Variants in SLC7A2 observed in about 807,000 individuals in gnomAD.
The protein encoded by SLC7A2 is solute carrier family 7 member 2.
SLC7A2 carries 48 observed loss-of-function variants against 58.9 expected under a neutral mutation model. That is an observed-to-expected ratio of 0.82 (90% CI 0.65 to 1.04). The LOEUF is 1.04. Among genes scored for constraint, SLC7A2 ranks in the 50% least tolerant of loss-of-function variants. SLC7A2 has a pLI of 0.00. For missense variants in SLC7A2, 1,029 were observed against 818.8 expected (o/e 1.26, Z -3.13); for synonymous variants, 363 against 314.5 (o/e 1.15, Z -1.63).
chr8:17,531,142 T>TCC (rs1801434743), intron 2 of SLC7A2, among the ~76,000 whole-genome samples: 1 of 152,072 alleles, frequency 6.6e-6, no homozygotes, highest in Non-Finnish European at 1.5e-5. Flanking sequence ...ATAGGATATC[T>TCC]CTCTCTCTGT....
chr8:17,558,120 A>G (rs1348318916), intron 8 of SLC7A2, among the ~76,000 whole-genome samples, 175 bp from the exon 9 acceptor site: 1 of 152,156 alleles, frequency 6.6e-6, no homozygotes, highest in East Asian at 1.9e-4. Flanking sequence ...TCAGCAGTTT[A>G]TATGACCTAA....
intron 2 of SLC7A2, among the ~76,000 whole-genome samples, chr8:17,514,002 G>T (rs1042485044): frequency 2.0e-5 from 3 of 152,174 alleles, no homozygotes; most frequent in African/African-American, 7.2e-5. Context: ...AAATAATCTG[G>T]GTAAATTTGA....
In SLC7A2 at chr8:17,558,310, T is replaced by TG. The variant is rs1299568088; in HGVS notation, c.1212dup (p.Phe405ValfsTer2). On this transcript the variant is annotated frameshift_variant, in exon 9 of 13. Coordinates refer to ENST00000494857, the MANE Select transcript of SLC7A2 (RefSeq NM_001370338.1). LOFTEE classifies it high-confidence loss of function. Reference sequence around the variant, plus strand: ...CTCCCCCTAGCTTTGATGGCCTTTCTGTTTGACCTGAAGGCGCTTGTGGAC... The same window carrying TG: ...CTCCCCCTAGCTTTGATGGCCTTTCTGGTTTGACCTGAAGGCGCTTGTGGAC... 1 of 1,612,852 alleles carries TG rather than the reference T, an allele frequency of 6.2e-7. No homozygotes were observed. Among genetic ancestry groups the TG allele is most frequent in the Admixed American group, 1.7e-5 (1 of 59,980 alleles).
intron 2 of SLC7A2, among the ~76,000 whole-genome samples, chr8:17,525,579 TC>T (rs1159219843): frequency 6.6e-6 from 1 of 152,178 alleles, no homozygotes; most frequent in African/African-American, 2.4e-5. Context: ...CAGGTGATAA[TC>T]CGGGAGGATT....
chr8:17,549,131 C>T (rs1409360554), intron 5 of SLC7A2, among the ~76,000 whole-genome samples: 1 of 152,148 alleles, frequency 6.6e-6, no homozygotes, highest in Non-Finnish European at 1.5e-5. Context: ...CTCACCATCA[C>T]AAGAACAGCA....
At chr8:17,517,675 AT>A (rs1408061404) in intron 2 of SLC7A2, among the ~76,000 whole-genome samples, 5 of 151,910 alleles carry the variant, frequency 3.3e-5, no homozygotes, top group African/African-American at 1.2e-4. Context: ...TAACTATTAC[AT>A]TTTCAGTTTT....
intron 2 of SLC7A2, chr8:17,511,324 T>C (rs924674055): frequency 1.3e-5 from 2 of 152,184 alleles, no homozygotes; most frequent in Non-Finnish European, 2.9e-5. Context: ...TCATCCCTAG[T>C]CCTGCAGCGT....
At chr8:17,522,558 A>G (rs1465344195) in intron 2 of SLC7A2, among the ~76,000 whole-genome samples, 1 of 152,158 alleles carries the variant, frequency 6.6e-6, no homozygotes. Context: ...ATTTTCTCAG[A>G]CAATGTAACA....
intron 4 of SLC7A2, among the ~76,000 whole-genome samples, chr8:17,548,474 C>G (rs1802283345): frequency 6.6e-6 from 1 of 152,134 alleles, no homozygotes; most frequent in African/African-American, 2.4e-5. Flanking sequence ...GCATGACCTG[C>G]CTCCGAAATT....
chr8:17,520,784 C>G (rs993428640), intron 2 of SLC7A2: 5 of 837,058 alleles, frequency 6.0e-6, no homozygotes, highest in Non-Finnish European at 7.2e-6. Flanking sequence ...TAGAGATGAG[C>G]TTAAGCAGAG....
intron 5 of SLC7A2, 63 bp from the exon 6 acceptor site, chr8:17,550,238 A>G (rs1047568437): frequency 6.6e-7 from 1 of 1,523,694 alleles, no homozygotes; most frequent in Non-Finnish European, 9.0e-7. Context: ...AGTCTGAGAA[A>G]AGTCACCAGA....
rs142593316 is a variant in SLC7A2, at chr8:17,548,830, T to C, written c.685T>C (p.Ser229Pro). The change falls in exon 5 of 13, where the codon TCA (serine) becomes CCA (proline). Residue 229 changes from serine to proline, a missense_variant. By Grantham distance (74) the Ser-to-Pro change is moderately conservative (BLOSUM62 -1). Coordinates refer to ENST00000494857, the MANE Select transcript of SLC7A2 (RefSeq NM_001370338.1). Reference sequence around the variant, plus strand: ...TAGTGAAGAGTTTCTCAAAAATATATCAGCAAGTGCCAGGTAAAATATTTG... The same window carrying C: ...TAGTGAAGAGTTTCTCAAAAATATACCAGCAAGTGCCAGGTAAAATATTTG... ...KISEEFLKNI[S>P]ASAREPPSEN... 1,211 of 1,603,896 alleles carry C rather than the reference T, an allele frequency of 7.6e-4. 2 individuals carry two copies. The highest frequency in any genetic ancestry group is 1.2e-3 in the Middle Eastern group (7 of 6,044).
chr8:17,529,525 T>C (rs1352853468), intron 2 of SLC7A2, among the ~76,000 whole-genome samples: 1 of 115,374 alleles, frequency 8.7e-6, no homozygotes, highest in African/African-American at 3.0e-5. Context: ...TTTGGTTTTG[T>C]TTTTTTGTTT....
chr8:17,569,938 C>G lies in SLC7A2; in HGVS notation c.*4792C>G, dbSNP rs767299434. 35 of 152,094 alleles carry G rather than the reference C, an allele frequency of 2.3e-4. No individual in the cohort carries two copies. The highest frequency in any genetic ancestry group is 5.6e-4 in the African/African-American group (23 of 41,396). The allele number at this position is 152,094 out of a possible 1,614,324, so 9.4% of individuals were successfully genotyped here. A position where few individuals can be genotyped will look rare whatever the true frequency, so the allele number is the denominator to read the frequency against. On this transcript the variant is annotated 3_prime_UTR_variant, in exon 13 of 13. Transcript: ENST00000494857. ...TGTAGCTACCCTTGTTGGGTGGGCT[C>G]TTAGACTGATGGGGTAGGATATGAA...
chr8:17,494,143 A>T (rs1481580227), upstream of SLC7A2, among the ~76,000 whole-genome samples: 3 of 152,216 alleles, frequency 2.0e-5, no homozygotes, highest in Non-Finnish European at 4.4e-5. Context: ...AGTTTGGGGA[A>T]TAATAGAGTC....
At chr8:17,496,810 G>C (rs1030676939), upstream of SLC7A2, among the ~76,000 whole-genome samples, 1 of 152,128 alleles carries the variant, frequency 6.6e-6, no homozygotes, top group African/African-American at 2.4e-5. Flanking sequence ...TCCCAGGAGA[G>C]CACGAAGTTT....
intron 8 of SLC7A2, among the ~76,000 whole-genome samples, chr8:17,557,438 C>T (rs367713777): frequency 1.3e-5 from 2 of 152,086 alleles, no homozygotes; most frequent in African/African-American, 4.8e-5. Context: ...GTAAGTCTAC[C>T]TGGAATGCAT....
chr8:17,524,133 G>C (rs941042332), intron 2 of SLC7A2, among the ~76,000 whole-genome samples: 2 of 152,104 alleles, frequency 1.3e-5, no homozygotes, highest in Non-Finnish European at 2.9e-5. Context: ...CGGTGAAAGG[G>C]GAATACTTTT....
At chr8:17,562,501 T>C (rs1450379730) in intron 11 of SLC7A2, among the ~76,000 whole-genome samples, 2 of 151,946 alleles carry the variant, frequency 1.3e-5, no homozygotes, top group Non-Finnish European at 2.9e-5. Context: ...CACCGTGCCC[T>C]GCTTATTTTT....
Sources: allele counts gnomAD v4.1 joint callset (sites outside exome capture counted in the v4.1 genomes callset), GRCh38; gene constraint gnomAD v4.1.1; transcripts MANE v1.5; gene names NCBI Gene and HGNC (gene_info 2026-07-23, HGNC 2026-07-21).